LTBP2: variants seen among roughly 807,000 people sequenced by gnomAD.
The protein encoded by LTBP2 is latent transforming growth factor beta binding protein 2, also known as latent-transforming growth factor beta-binding protein 2.
LTBP2 carries 103 observed loss-of-function variants against 210.6 expected under a neutral mutation model. The ratio of observed to expected loss-of-function variants is 0.49; its 90% confidence interval spans 0.42 to 0.58. The LOEUF is 0.58. Ranked by LOEUF, LTBP2 falls within the 20% of genes least tolerant of loss-of-function variation. The pLI, the probability that LTBP2 is intolerant of heterozygous loss-of-function variation, is 0.00. For synonymous variants in LTBP2, 1,007 were observed against 1,015.0 expected, an observed-to-expected ratio of 0.99 and a Z score of 0.15; for missense variants, 2,313 against 2,494.5, an observed-to-expected ratio of 0.93 and a Z score of 1.55.
intron 4 of LTBP2, among the ~76,000 whole-genome samples, chr14:74,554,873 G>A (rs1489399330): frequency 2.6e-5 from 4 of 152,096 alleles, no homozygotes; most frequent in African/African-American, 9.7e-5. Flanking sequence ...AGGCACAGAT[G>A]TAAACAGGGT....
chr14:74,510,262 CA>C, intron 19 of LTBP2, 49 bp from the exon 20 acceptor site: 1 of 1,607,940 alleles, frequency 6.2e-7, no homozygotes, highest in Non-Finnish European at 8.5e-7. Flanking sequence ...CCCCATCCTG[CA>C]GCCCCCGCTG....
At chr14:74,504,163 C>CT in intron 30 of LTBP2, 109 bp from the exon 31 acceptor site, 1 of 1,417,232 alleles carries the variant, frequency 7.1e-7, no homozygotes, top group Non-Finnish European at 9.7e-7. Flanking sequence ...CTGCCACTTA[C>CT]TAGGTGGCTT....
intron 17 of LTBP2, 100 bp downstream of exon 17, chr14:74,521,811 C>T (rs2087206041): frequency 6.6e-7 from 1 of 1,510,232 alleles, no homozygotes; most frequent in African/African-American, 1.4e-5. Context: ...GCCCACTCCC[C>T]ATTCTGCGGC....
intron 25 of LTBP2, among the ~76,000 whole-genome samples, chr14:74,507,728 G>A (rs1198087453): frequency 6.6e-6 from 1 of 152,232 alleles, no homozygotes; most frequent in African/African-American, 2.4e-5. Flanking sequence ...CATAGCAGGT[G>A]TTTAATGTCT....
intron 8 of LTBP2, among the ~76,000 whole-genome samples, chr14:74,540,830 A>ATATT (rs1555350191): frequency 0.02 from 1,357 of 68,392 alleles, 127 homozygotes; most frequent in Non-Finnish European, 0.031. Flanking sequence ...ATTTTTATAT[A>ATATT]ATATATATTT....
chr14:74,501,772 A>G (rs1041354772), intron 34 of LTBP2, 182 bp from the exon 35 acceptor site: 7 of 707,360 alleles, frequency 9.9e-6, no homozygotes, highest in Admixed American at 5.5e-5. Flanking sequence ...CTTGAAAAAA[A>G]AAGTATGTGT....
chr14:74,503,807 TG>T, intron 31 of LTBP2, 118 bp downstream of exon 31: 1 of 1,469,516 alleles, frequency 6.8e-7, no homozygotes, highest in Non-Finnish European at 9.3e-7. Context: ...CCTGCTGCAG[TG>T]GGCGGCCTCC....
chr14:74,592,619 G>A (rs2088297957), intron 2 of LTBP2, among the ~76,000 whole-genome samples: 1 of 152,070 alleles, frequency 6.6e-6, no homozygotes, highest in Admixed American at 6.6e-5. Context: ...GGATCACTTG[G>A]GCTCAGGAGT....
chr14:74,555,114 G>A (rs779887846), intron 4 of LTBP2, among the ~76,000 whole-genome samples: 6 of 149,334 alleles, frequency 4.0e-5, no homozygotes, highest in Non-Finnish European at 7.4e-5. Context: ...AAGCAGAGGC[G>A]CAGCTGTAGG....
At chr14:74,516,722 G>T in intron 18 of LTBP2, 100 bp downstream of exon 18, 1 of 1,474,448 alleles carries the variant, frequency 6.8e-7, no homozygotes. Context: ...AGGGGCCAGG[G>T]CAGAGACAAG....
At chr14:74,564,375 A>ATATATT (rs2087874530) in intron 3 of LTBP2, among the ~76,000 whole-genome samples, 3 of 59,680 alleles carry the variant, frequency 5.0e-5, no homozygotes, top group South Asian at 5.2e-4. Context: ...ATTTATATAT[A>ATATATT]TATATTTATA....
At chr14:74,604,044 A>G (rs1026963990) in intron 1 of LTBP2, among the ~76,000 whole-genome samples, 1 of 151,948 alleles carries the variant, frequency 6.6e-6, no homozygotes, top group African/African-American at 2.4e-5. Flanking sequence ...AAAGCTAATA[A>G]GCCACTTCAG....
At chr14:74,556,661 A>T (rs1013134076) in intron 3 of LTBP2, among the ~76,000 whole-genome samples, 1 of 152,104 alleles carries the variant, frequency 6.6e-6, no homozygotes, top group Non-Finnish European at 1.5e-5. Context: ...GGATTACAGG[A>T]GCCCGCCACC....
Position 74,501,007 on chromosome 14 carries a change from C to G in LTBP2, c.5343G>C (p.Leu1781Phe), listed in dbSNP as rs745653727. ...ACVDVNECDD[L>F]NGPAVLCVHG... ...GGACACAGAGCACAGCAGGCCCGTT[C>G]AAGTCATCACACTCATTCACATCTA... The change falls in exon 36 of 36, where the codon TTG (leucine) becomes TTC (phenylalanine). Residue 1781 changes from leucine (L) to phenylalanine (F), a missense_variant. By Grantham distance (22) the Leu-to-Phe change is conservative. Coordinates refer to ENST00000261978, the MANE Select transcript of LTBP2 (RefSeq NM_000428.3). 11 of 1,613,844 alleles carry G rather than the reference C, an allele frequency of 6.8e-6. No individual in the cohort carries two copies. Among genetic ancestry groups the G allele is most frequent in the Non-Finnish European group, 9.3e-6 (11 of 1,179,938 alleles).
At position 74,532,511 on chromosome 14, in the gene LTBP2, G is replaced by A. The variant is rs200919399; in HGVS notation, c.1902C>T (p.Asp634=). Reference sequence around the variant, plus strand: ...TGCCCCTGGTATTCACACACTCCGCGTCCTTGCACAGGCCCAGGGTCAAGC... The same window carrying A: ...TGCCCCTGGTATTCACACACTCCGCATCCTTGCACAGGCCCAGGGTCAAGC... ...NECLTLGLCK[D]AECVNTRGSY... is the part of the protein sequence containing the mutation. The change falls in exon 10 of 36, where the codon GAC becomes GAT. Residue 634 remains aspartate, a synonymous_variant. Transcript: ENST00000261978. 2.3e-4 allele frequency: 365 copies of A among 1,614,184 alleles called. No homozygotes were observed. Among genetic ancestry groups the A allele is most frequent in the Middle Eastern group, 3.3e-4 (2 of 6,062 alleles).
Position 74,505,066 on chromosome 14 carries a change from C to G in LTBP2, c.4286G>C (p.Arg1429Pro). 2 of 1,614,146 alleles carry G rather than the reference C, an allele frequency of 1.2e-6. No individual in the cohort carries two copies. The highest frequency in any genetic ancestry group is 1.7e-6 in the Non-Finnish European group (2 of 1,180,036). The change falls in exon 29 of 36, where the codon CGG becomes CCG. Residue 1429 changes from arginine to proline, a missense_variant. Physicochemically the swap from Arg to Pro is moderately radical, Grantham distance 103. Transcript: ENST00000261978. ...GCAGCATTCAGCCTGTGTGGTGTTC[C>G]GGCCCAGGACACTGGAGCAGGGCGC... is the stretch of plus-strand genomic sequence containing the variant. ...GHAPCSSVLG[R>P]NTTQAECCCT...
chr14:74,534,296 T>G (rs2087390990), intron 9 of LTBP2, among the ~76,000 whole-genome samples: 1 of 152,094 alleles, frequency 6.6e-6, no homozygotes, highest in South Asian at 2.1e-4. Flanking sequence ...CCAAAGCCTG[T>G]GGGTAAACAG....
At chr14:74,597,021 G>A (rs773599968) in intron 2 of LTBP2, among the ~76,000 whole-genome samples, 15 of 152,218 alleles carry the variant, frequency 9.9e-5, no homozygotes, top group Non-Finnish European at 2.1e-4. Context: ...TTACATCCAT[G>A]AGAAGGCAGC....
chr14:74,612,218 C>G lies in LTBP2; in HGVS notation c.-274G>C. ...GTGCCTGCAGCCGTCTGAAGGGGAC[C>G]CGGACGGTTTTATTTTTGGAAACCT... On this transcript the variant is annotated 5_prime_UTR_variant, in exon 1 of 36. Transcript: ENST00000261978. 1 of 448,124 alleles carries G rather than the reference C, an allele frequency of 2.2e-6. No homozygotes were observed. Among genetic ancestry groups the G allele is most frequent in the East Asian group, 3.8e-5 (1 of 26,442 alleles). The allele number at this position is 448,124 out of a possible 1,614,324, so 27.8% of individuals were successfully genotyped here.
Sources: allele counts gnomAD v4.1 joint callset (sites outside exome capture counted in the v4.1 genomes callset), GRCh38; gene constraint gnomAD v4.1.1; transcripts MANE v1.5; gene names NCBI Gene and HGNC (gene_info 2026-07-23, HGNC 2026-07-21).